KCNQ4: variants seen among roughly 807,000 people sequenced by gnomAD.
KCNQ4 encodes the protein potassium voltage-gated channel subfamily Q member 4.
A neutral mutation model predicts 72.6 loss-of-function variants in KCNQ4; 31 were observed. That is an observed-to-expected ratio of 0.43 (90% CI 0.32 to 0.58). The LOEUF (loss-of-function observed/expected upper bound fraction) is 0.58, where lower values mean the gene tolerates loss of function less well. Ranked by LOEUF, KCNQ4 falls within the 20% of genes least tolerant of loss-of-function variation. The probability of loss-of-function intolerance (pLI) is 0.08; values close to 1 mark genes in which losing one functional copy is unlikely to be tolerated. For missense variants in KCNQ4, 869 were observed against 962.6 expected (o/e 0.90, Z 1.29); for synonymous variants, 405 against 403.7 (o/e 1.00, Z -0.04).
At chr1:40,822,559 G>C (rs1648337465) in intron 8 of KCNQ4, among the ~76,000 whole-genome samples, 157 bp downstream of exon 8, 1 of 152,158 alleles carries the variant, frequency 6.6e-6, no homozygotes, top group African/African-American at 2.4e-5. Context: ...TTCAGAGCCT[G>C]GAGTGTCCTT....
chr1:40,838,324 A>T lies in KCNQ4; in HGVS notation c.1889A>T (p.Glu630Val). Residue 630 changes from glutamate (E) to valine (V), a missense_variant, in exon 14 of 14, where the codon GAG (glutamate) becomes GTG (valine). By Grantham distance (121) the Glu-to-Val change is moderately radical (BLOSUM62 -2). Transcript: ENST00000347132. ...CCCCGTCCCCAGGTGCAGTCCATCG[A>T]GCACAAGCTGGACCTGCTGTTGGGC... ...VKVEKQVQSI[E>V]HKLDLLLGFY... 1 of 1,613,422 alleles carries T rather than the reference A, an allele frequency of 6.2e-7. No homozygotes were observed. Among genetic ancestry groups the T allele is most frequent in the South Asian group, 1.1e-5 (1 of 91,070 alleles).
chr1:40,818,678 A>C lies in KCNQ4; in HGVS notation c.706A>C (p.Lys236Gln). 3 of 1,599,768 alleles carry C rather than the reference A, an allele frequency of 1.9e-6. No individual in the cohort carries two copies. The highest frequency in any genetic ancestry group is 2.5e-6 in the Non-Finnish European group (3 of 1,176,650). Residue 236 changes from lysine (K) to glutamine (Q), a missense_variant and splice_region_variant, in exon 4 of 14, where the codon AAG becomes CAG. Physicochemically the swap from Lys to Gln is moderately conservative, Grantham distance 53. Coordinates refer to ENST00000347132, the MANE Select transcript of KCNQ4 (RefSeq NM_004700.4). Reference protein sequence around the residue: ...LLGSVVYAHSKELITAWYIGF... With the variant: ...LLGSVVYAHSQELITAWYIGF... ...GGGCTCAGTGGTCTACGCGCATAGC[A>C]AGGTGAGGCCTGCAAGCCGCGCGCG...
rs1222143570 is a variant in KCNQ4 at position 40,817,494 on chromosome 1, C to A, written c.405+139C>A. 3.2e-6 allele frequency: 2 copies of A among 615,604 alleles called. No homozygotes were observed. The highest frequency in any genetic ancestry group is 6.0e-5 in the Admixed American group (2 of 33,510). The allele number at this position is 615,604 out of a possible 1,614,324, so 38.1% of individuals were successfully genotyped here. ...GACTGAAGGGGGCTGTGTGAGGTAG[C>A]ACCTCTGGGCTGGGAGTCCGGGACT... On this transcript the variant is annotated intron_variant, in intron 2 of 13. Transcript: ENST00000347132. The surrounding 1 kb of genome is among the most constrained non-coding windows in gnomAD (Gnocchi z 5.5).
At chr1:40,811,823 G>A (rs1647935627) in intron 1 of KCNQ4, among the ~76,000 whole-genome samples, 1 of 152,220 alleles carries the variant, frequency 6.6e-6, no homozygotes, top group Non-Finnish European at 1.5e-5. Flanking sequence ...CTAGAAAGTG[G>A]CCGCTAGTCT....
At chr1:40,834,487 G>A (rs1261498072) in intron 11 of KCNQ4, among the ~76,000 whole-genome samples, 1 of 151,956 alleles carries the variant, frequency 6.6e-6, no homozygotes, top group Non-Finnish European at 1.5e-5. Flanking sequence ...GGTCACACCT[G>A]TAGTCCCAGC....
Position 40,812,559 on chromosome 1 carries a change from G to A in KCNQ4, c.315-4706G>A, listed in dbSNP as rs76603403. On this transcript the variant is annotated intron_variant, in intron 1 of 13. Coordinates refer to ENST00000347132, the MANE Select transcript of KCNQ4 (RefSeq NM_004700.4). Reference sequence around the variant, plus strand: ...TTACAGGCATGAGCCACCGCGCCTCGTCCCAGGATGTTTTCTATTAGTCCA... The same window carrying A: ...TTACAGGCATGAGCCACCGCGCCTCATCCCAGGATGTTTTCTATTAGTCCA... Among the ~76,000 whole-genome samples, 518 of 152,274 alleles carry A rather than the reference G, an allele frequency of 3.4e-3. 3 individuals are homozygous for A. Among genetic ancestry groups the A allele is most frequent in the African/African-American group, 0.012 (479 of 41,544 alleles).
intron 11 of KCNQ4, among the ~76,000 whole-genome samples, chr1:40,834,665 G>A (rs1648757491): frequency 6.6e-6 from 1 of 151,176 alleles, no homozygotes; most frequent in Admixed American, 6.6e-5. Flanking sequence ...CTCTGCCAGA[G>A]ATGCAGGGCT....
intron 12 of KCNQ4, 25 bp from the exon 13 acceptor site, chr1:40,837,640 C>A: frequency 1.9e-6 from 3 of 1,608,574 alleles, no homozygotes; most frequent in Non-Finnish European, 2.5e-6. Context: ...GTCCCCGGGC[C>A]CTCTGATGGT....
In KCNQ4 at chr1:40,818,961, A is replaced by G; in HGVS notation, c.708+281A>G. On this transcript the variant is annotated intron_variant, in intron 4 of 13. Coordinates refer to ENST00000347132, the MANE Select transcript of KCNQ4 (RefSeq NM_004700.4). ...CCTGGATGCTTCTGGGTTTGAAGGG[A>G]CCACTCGTACCACAAAGTGGGCAGC... 3 of 580,378 alleles carry G rather than the reference A, an allele frequency of 5.2e-6. No individual in the cohort carries two copies. The South Asian group carries it at 6.0e-5, about 12-fold the overall frequency. The allele number at this position is 580,378 out of a possible 1,614,324, so 36.0% of individuals were successfully genotyped here. A position where few individuals can be genotyped will look rare whatever the true frequency, so the allele number is the denominator to read the frequency against.
At chr1:40,820,454 T>C (rs927695449) in intron 7 of KCNQ4, among the ~76,000 whole-genome samples, 194 bp downstream of exon 7, 5 of 152,150 alleles carry the variant, frequency 3.3e-5, no homozygotes, top group Non-Finnish European at 5.9e-5. Flanking sequence ...TGCCAGAAAC[T>C]TCCCCCTGCA....
chr1:40,803,859 C>G (rs897742703), intron 1 of KCNQ4, among the ~76,000 whole-genome samples: 1 of 152,190 alleles, frequency 6.6e-6, no homozygotes, highest in Non-Finnish European at 1.5e-5. Flanking sequence ...GTCCCCAAAC[C>G]ACCCACTGGG....
intron 1 of KCNQ4, among the ~76,000 whole-genome samples, chr1:40,801,393 A>G (rs1164701445): frequency 6.6e-6 from 1 of 152,182 alleles, no homozygotes; most frequent in East Asian, 1.9e-4. Flanking sequence ...TCTCCAAAGC[A>G]GGCCACTTCA....
intron 4 of KCNQ4, 85 bp downstream of exon 4, chr1:40,818,765 A>C (rs1030063577): frequency 4.9e-6 from 7 of 1,429,624 alleles, no homozygotes; most frequent in Non-Finnish European, 6.7e-6. Context: ...GCGAGGTCAG[A>C]GGGGCTGTCT....
intron 1 of KCNQ4, among the ~76,000 whole-genome samples, chr1:40,796,303 T>A (rs1195479671): frequency 1.3e-5 from 2 of 152,136 alleles, no homozygotes; most frequent in Admixed American, 6.5e-5. Context: ...TGGCTCTCAA[T>A]AATAACAAAG....
At chr1:40,825,155 C>G (rs923032769) in intron 9 of KCNQ4, among the ~76,000 whole-genome samples, 1 of 152,182 alleles carries the variant, frequency 6.6e-6, no homozygotes, top group African/African-American at 2.4e-5. Flanking sequence ...TTTCCCTCGT[C>G]CTTTACCCAT....
At position 40,818,085 on chromosome 1, in the gene KCNQ4, C is replaced by G. The variant is rs1357582318; in HGVS notation, c.406-79C>G. On this transcript the variant is annotated intron_variant, in intron 2 of 13. Coordinates refer to ENST00000347132, the MANE Select transcript of KCNQ4 (RefSeq NM_004700.4). The stretch of plus-strand genomic sequence containing the variant: ...GGCCCTGGTCCCCCTAACCCAGGGA[C>G]TCTTGGCTGGGTCCGCGCTGTGACC... The G allele has an allele frequency of 2.5e-6, 4 of 1,599,112 alleles. No individual in the cohort carries two copies. The African/African-American group carries it at 5.4e-5, about 21-fold the overall frequency.
In KCNQ4 at chr1:40,793,049, C is replaced by A. The variant is rs533325429; in HGVS notation, c.314+8642C>A. Reference sequence around the variant, plus strand: ...TGAAGCAGGGCCTCACTCTGTCACCCACGCTGGAGTGCATGATCACTATGA... The same window carrying A: ...TGAAGCAGGGCCTCACTCTGTCACCAACGCTGGAGTGCATGATCACTATGA... On this transcript the variant is annotated intron_variant, in intron 1 of 13. Coordinates refer to ENST00000347132, the MANE Select transcript of KCNQ4 (RefSeq NM_004700.4). 4.0e-5 allele frequency among the ~76,000 whole-genome samples: 6 copies of A among 149,106 alleles called. No homozygotes were observed. The East Asian group carries it at 1.2e-3, about 29-fold the overall frequency.
At position 40,838,975 on chromosome 1, in the gene KCNQ4, G is replaced by A. The variant is rs972257929; in HGVS notation, c.*452G>A. 1.5e-5 allele frequency: 4 copies of A among 259,618 alleles called. No individual in the cohort carries two copies. Among genetic ancestry groups the A allele is most frequent in the Admixed American group, 4.9e-5 (1 of 20,532 alleles). The allele number at this position is 259,618 out of a possible 1,614,324, so 16.1% of individuals were successfully genotyped here. A position where few individuals can be genotyped will look rare whatever the true frequency, so the allele number is the denominator to read the frequency against. Reference sequence around the variant, plus strand: ...CCGCCCCACTTGGGGGTGGGCCAAGGTGCCCCCACAGGTACCCACAAAGCA... The same window carrying A: ...CCGCCCCACTTGGGGGTGGGCCAAGATGCCCCCACAGGTACCCACAAAGCA... On this transcript the variant is annotated 3_prime_UTR_variant, in exon 14 of 14. Transcript: ENST00000347132.
intron 1 of KCNQ4, among the ~76,000 whole-genome samples, chr1:40,796,415 G>GGT (rs1273456528): frequency 9.2e-5 from 14 of 152,178 alleles, no homozygotes; most frequent in African/African-American, 2.4e-4. Context: ...GACACTATGA[G>GGT]GTAGGTACTG....
Sources: allele counts gnomAD v4.1 joint callset (sites outside exome capture counted in the v4.1 genomes callset), GRCh38; gene constraint gnomAD v4.1.1; non-coding constraint Gnocchi (gnomAD v3.1); transcripts MANE v1.5; gene names NCBI Gene and HGNC (gene_info 2026-07-23, HGNC 2026-07-21).